The following RIMS2 variants were observed in gnomAD, a reference collection of about 807,000 sequenced individuals.
RIMS2 encodes regulating synaptic membrane exocytosis protein 2.
Under a neutral mutation model 174.4 loss-of-function variants are expected in RIMS2, and 59 were observed. The observed-to-expected ratio is 0.34, with a 90% CI of 0.27 to 0.42. The LOEUF (loss-of-function observed/expected upper bound fraction) is 0.42, where lower values mean the gene tolerates loss of function less well. RIMS2 is among the 10% of genes least tolerant of loss of function. The pLI, the probability that RIMS2 is intolerant of heterozygous loss-of-function variation, is 1.00. For synonymous variants in RIMS2, 606 were observed against 572.5 expected (o/e 1.06, Z -0.84); for missense variants, 1,620 against 1,666.3 (o/e 0.97, Z 0.48).
intron 3 of RIMS2, among the ~76,000 whole-genome samples, chr8:103,811,589 C>T (rs1179853963): frequency 6.6e-6 from 1 of 151,820 alleles, no homozygotes; most frequent in African/African-American, 2.4e-5. Context: ...GGATTACAGG[C>T]ACCCGCCGCT....
intron 19 of RIMS2, among the ~76,000 whole-genome samples, chr8:104,149,507 A>G (rs1471536552): frequency 6.6e-6 from 1 of 152,234 alleles, no homozygotes; most frequent in Non-Finnish European, 1.5e-5. Flanking sequence ...ACTCCTACTC[A>G]GAAAAGCCAC....
At position 103,524,273 on chromosome 8, in the gene RIMS2, GAA is replaced by G. The variant is rs1217688354; in HGVS notation, c.176+23213_176+23214del. On this transcript the variant is annotated intron_variant, in intron 1 of 23. Transcript: ENST00000504942. ...ATAGAGAATTGGAATGGATGAATGA[GAA>G]AGAGGAAGAATGGACAAGAAACACA... is the stretch of plus-strand genomic sequence containing the variant. Among the ~76,000 whole-genome samples, 4 of 152,042 alleles carry G rather than the reference GAA, an allele frequency of 2.6e-5. No individual in the cohort carries two copies. In the East Asian group the frequency reaches 7.7e-4, roughly 29 times the overall value.
intron 14 of RIMS2, among the ~76,000 whole-genome samples, chr8:103,943,308 T>C (rs974115065): frequency 3.9e-5 from 6 of 152,114 alleles, no homozygotes; most frequent in African/African-American, 1.4e-4. Context: ...TTATTCTAGG[T>C]ATTTTATGAA....
At chr8:103,647,210 A>G (rs1344248032) in intron 1 of RIMS2, among the ~76,000 whole-genome samples, 1 of 152,068 alleles carries the variant, frequency 6.6e-6, no homozygotes, top group Non-Finnish European at 1.5e-5. Context: ...ATGCTTTTTT[A>G]TGTGCTGCTG....
chr8:104,105,856 G>A (rs1249434570), intron 19 of RIMS2, among the ~76,000 whole-genome samples: 6 of 151,628 alleles, frequency 4.0e-5, no homozygotes, highest in Non-Finnish European at 7.4e-5. Context: ...GGCTAACATG[G>A]TGAAACCCCA....
chr8:104,184,118 C>T (rs1412975232), intron 19 of RIMS2, among the ~76,000 whole-genome samples: 2 of 151,596 alleles, frequency 1.3e-5, no homozygotes, highest in Admixed American at 1.3e-4. Flanking sequence ...ATAACTTGTG[C>T]TCTACCACAG....
chr8:103,893,046 T>C (rs1045936759), intron 4 of RIMS2, among the ~76,000 whole-genome samples: 2 of 151,978 alleles, frequency 1.3e-5, no homozygotes, highest in African/African-American at 2.4e-5. Flanking sequence ...GCATTTATAA[T>C]TGACCTGAAA....
intron 6 of RIMS2, among the ~76,000 whole-genome samples, chr8:103,912,660 A>G (rs952709513): frequency 6.6e-6 from 1 of 152,110 alleles, no homozygotes; most frequent in Admixed American, 6.6e-5. Context: ...CTTAAGAGAG[A>G]GTACTGTTTG....
At chr8:103,572,450 G>C (rs957309793) in intron 1 of RIMS2, among the ~76,000 whole-genome samples, 10 of 152,072 alleles carry the variant, frequency 6.6e-5, no homozygotes, top group African/African-American at 2.4e-4. Flanking sequence ...TTTACAGAGT[G>C]CTGATTGGTG....
intron 4 of RIMS2, among the ~76,000 whole-genome samples, chr8:103,907,568 G>C (rs957423419): frequency 1.3e-5 from 2 of 148,578 alleles, no homozygotes; most frequent in African/African-American, 5.0e-5. Context: ...TCTCTTTTTT[G>C]TTTTTTCTCA....
chr8:103,880,839 ACTT>A (rs959324792), intron 3 of RIMS2: 3 of 368,106 alleles, frequency 8.1e-6, no homozygotes, highest in Non-Finnish European at 1.4e-5. Flanking sequence ...AGGATTATAT[ACTT>A]CTGTTAAATC....
chr8:104,088,668 C>A (rs998508372), intron 19 of RIMS2, among the ~76,000 whole-genome samples: 3 of 151,954 alleles, frequency 2.0e-5, no homozygotes, highest in African/African-American at 7.2e-5. Flanking sequence ...AGTTCATAAT[C>A]CTGCCCCCAT....
At chr8:104,069,711 G>A (rs1314833447) in intron 19 of RIMS2, among the ~76,000 whole-genome samples, 4 of 151,768 alleles carry the variant, frequency 2.6e-5, no homozygotes, top group East Asian at 1.9e-4. Flanking sequence ...CTGGCGATCC[G>A]CCTGCCTCAG....
intron 19 of RIMS2, among the ~76,000 whole-genome samples, chr8:104,045,934 G>C (rs1370963064): frequency 6.6e-6 from 1 of 151,870 alleles, no homozygotes; most frequent in African/African-American, 2.4e-5. Context: ...ATAATGTTTA[G>C]TAAAATCACT....
chr8:103,713,578 G>A (rs1213745235), intron 2 of RIMS2, among the ~76,000 whole-genome samples: 2 of 151,858 alleles, frequency 1.3e-5, no homozygotes, highest in Non-Finnish European at 2.9e-5. Flanking sequence ...TGTAAACTAC[G>A]GATGCTGTCT....
chr8:103,594,207 T>A (rs2094392310), intron 1 of RIMS2, among the ~76,000 whole-genome samples: 1 of 151,688 alleles, frequency 6.6e-6, no homozygotes, highest in Non-Finnish European at 1.5e-5. Flanking sequence ...TCAACTGTGA[T>A]AACTTAACAA....
intron 1 of RIMS2, among the ~76,000 whole-genome samples, chr8:103,635,481 G>A (rs2096054660): frequency 6.6e-6 from 1 of 152,178 alleles, no homozygotes. Context: ...GGCTGCTTCA[G>A]TATGCTTGGT....
chr8:104,188,233 A>AGATAGATAGAT (rs1218748256), intron 19 of RIMS2, among the ~76,000 whole-genome samples: 4 of 135,922 alleles, frequency 2.9e-5, no homozygotes, highest in African/African-American at 5.7e-5. Flanking sequence ...ATAGATAGAT[A>AGATAGATAGAT]GATAGATAGA....
chr8:103,612,791 C>T lies in RIMS2; in HGVS notation c.177-84295C>T, dbSNP rs186177032. On this transcript the variant is annotated intron_variant, in intron 1 of 23. Transcript: ENST00000504942. ...TTCACAATGTTGGCCAGGCTGGTCT[C>T]GAACTCCTGACCTCATGATCCGCCT... 7.9e-5 allele frequency among the ~76,000 whole-genome samples: 12 copies of T among 152,212 alleles called. No individual in the cohort carries two copies. In the South Asian group the frequency reaches 8.3e-4, roughly 11 times the overall value.
Sources: allele counts gnomAD v4.1 joint callset (sites outside exome capture counted in the v4.1 genomes callset), GRCh38; gene constraint gnomAD v4.1.1; transcripts MANE v1.5; gene names NCBI Gene and HGNC (gene_info 2026-07-23, HGNC 2026-07-21).